The following ZNF704 variants were observed in gnomAD, a reference collection of about 807,000 sequenced individuals.
ZNF704 encodes the protein zinc finger protein 704.
Under a neutral mutation model 44.7 loss-of-function variants are expected in ZNF704, and 10 were observed. That is an observed-to-expected ratio of 0.22 (90% confidence interval 0.14 to 0.38). The LOEUF is 0.38. ZNF704 is among the 10% of genes least tolerant of loss of function. The probability of loss-of-function intolerance (pLI) is 1.00; values close to 1 mark genes in which losing one functional copy is unlikely to be tolerated. For missense variants in ZNF704, 390 were observed against 545.5 expected (o/e 0.71, Z 2.84); for synonymous variants, 211 against 207.6 (o/e 1.02, Z -0.14).
At chr8:80,654,718 C>T (rs532418513) in intron 7 of ZNF704, among the ~76,000 whole-genome samples, 7,023 of 152,088 alleles carry the variant, frequency 0.046, 545 homozygotes, top group African/African-American at 0.16. Context: ...TGTGGAGAAA[C>T]AGGAACACTT....
chr8:80,805,264 C>T (rs760346862), intron 2 of ZNF704, among the ~76,000 whole-genome samples: 3 of 152,152 alleles, frequency 2.0e-5, no homozygotes, highest in Non-Finnish European at 4.4e-5. Context: ...GCTTGTGATG[C>T]TGTAGCTCTG....
chr8:80,641,921 C>T (rs1298283301), intron 8 of ZNF704, among the ~76,000 whole-genome samples: 1 of 152,196 alleles, frequency 6.6e-6, no homozygotes, highest in African/African-American at 2.4e-5. Flanking sequence ...AATTTGCTAC[C>T]ATATCCCTTA....
chr8:80,720,831 C>G (rs1474046641), intron 2 of ZNF704, among the ~76,000 whole-genome samples: 2 of 152,238 alleles, frequency 1.3e-5, no homozygotes, highest in African/African-American at 2.4e-5. Context: ...ATTGGTTAGT[C>G]TCACCAATCT....
chr8:80,733,548 A>G (rs1458340104), intron 2 of ZNF704, among the ~76,000 whole-genome samples: 2 of 152,236 alleles, frequency 1.3e-5, no homozygotes, highest in African/African-American at 4.8e-5. Flanking sequence ...CTTCACTCTT[A>G]TTCCTGGCAG....
At chr8:80,714,416 G>A (rs1819040134) in intron 2 of ZNF704, among the ~76,000 whole-genome samples, 1 of 152,156 alleles carries the variant, frequency 6.6e-6, no homozygotes, top group South Asian at 2.1e-4. Context: ...GTTCATTTGA[G>A]TATCAAACCT....
chr8:80,852,625 T>C (rs1420302600), intron 1 of ZNF704, among the ~76,000 whole-genome samples: 1 of 152,232 alleles, frequency 6.6e-6, no homozygotes, highest in Non-Finnish European at 1.5e-5. Flanking sequence ...ACTTGTACAG[T>C]GTTTTAATAA....
chr8:80,836,767 C>T (rs774680464), intron 1 of ZNF704, among the ~76,000 whole-genome samples: 6 of 152,018 alleles, frequency 3.9e-5, no homozygotes, highest in African/African-American at 9.7e-5. Flanking sequence ...CCAGCCTGGG[C>T]GACAGAGTGA....
At chr8:80,727,427 GTTT>G (rs1441193095) in intron 2 of ZNF704, among the ~76,000 whole-genome samples, 1 of 150,408 alleles carries the variant, frequency 6.6e-6, no homozygotes, top group Non-Finnish European at 1.5e-5. Flanking sequence ...ACTGGTTTTT[GTTT>G]TTGTTTTTTT....
intron 2 of ZNF704, among the ~76,000 whole-genome samples, chr8:80,796,401 A>G (rs1807801383): frequency 6.6e-6 from 1 of 152,246 alleles, no homozygotes. Context: ...CAGAGCCCTC[A>G]TGACACTATC....
chr8:80,791,703 A>C (rs1421360249), intron 2 of ZNF704, among the ~76,000 whole-genome samples: 1 of 150,854 alleles, frequency 6.6e-6, no homozygotes, highest in Non-Finnish European at 1.5e-5. Context: ...GTCTACAGTT[A>C]TCTGGGCTGA....
chr8:80,687,100 C>T lies in ZNF704; in HGVS notation c.558+126G>A, dbSNP rs371550184. On this transcript the variant is annotated intron_variant, in intron 4 of 8. Transcript: ENST00000327835. ...AAACTTCAAGAACATTAAAGAGGAA[C>T]GTAAGCTGCTTCTTTCCACAGAAAG... The T allele has an allele frequency of 3.2e-4, 235 of 742,522 alleles. 1 individual carries two copies. The African/African-American group carries it at 3.3e-3, about 11-fold the overall frequency. 46.0% of individuals were successfully genotyped at this position (742,522 alleles called of 1,614,324 possible). A position where few individuals can be genotyped will look rare whatever the true frequency, so the allele number is the denominator to read the frequency against.
At chr8:80,693,220 C>G (rs772747277) in intron 2 of ZNF704, 113 bp from the exon 3 acceptor site, 1 of 842,942 alleles carries the variant, frequency 1.2e-6, no homozygotes, top group African/African-American at 1.7e-5. Context: ...CATGAACAAC[C>G]GATGTTCTGT....
chr8:80,809,924 T>G lies in ZNF704; in HGVS notation c.221+11450A>C, dbSNP rs184922562. On this transcript the variant is annotated intron_variant, in intron 2 of 8. Transcript: ENST00000327835. ...TTGGCATCACCAACCATTTTTTCCA[T>G]GCAGCTGCCCAAGCCAGCATTTGTG... Among the ~76,000 whole-genome samples the G allele has an allele frequency of 6.2e-3, 942 of 152,236 alleles. 10 individuals are homozygous for G. Among genetic ancestry groups the G allele is most frequent in the African/African-American group, 0.021 (880 of 41,540 alleles).
intron 1 of ZNF704, among the ~76,000 whole-genome samples, chr8:80,823,584 G>A (rs910227172): frequency 2.6e-5 from 4 of 152,348 alleles, no homozygotes; most frequent in African/African-American, 7.2e-5. Context: ...GGTGCTCCCA[G>A]CACGGAGTGT....
rs963416066 is a variant in ZNF704 at position 80,632,293 on chromosome 8, G to A, written c.*9073C>T. 2 of 152,156 alleles carry A rather than the reference G, an allele frequency of 1.3e-5. No individual in the cohort carries two copies. The highest frequency in any genetic ancestry group is 2.4e-5 in the African/African-American group (1 of 41,434). The allele number at this position is 152,156 out of a possible 1,614,324, so 9.4% of individuals were successfully genotyped here. A position where few individuals can be genotyped will look rare whatever the true frequency, so the allele number is the denominator to read the frequency against. On this transcript the variant is annotated 3_prime_UTR_variant, in exon 9 of 9. Coordinates refer to ENST00000327835, the MANE Select transcript of ZNF704 (RefSeq NM_001033723.3). ...TCCTGCCTCAGCCTCTCAAGTAGCT[G>A]GAATTACAGGTGTGCGCCACCACGC...
chr8:80,785,121 C>T (rs1014477908), intron 2 of ZNF704, among the ~76,000 whole-genome samples: 2 of 152,112 alleles, frequency 1.3e-5, no homozygotes, highest in African/African-American at 4.8e-5. Context: ...CTTTATGCCC[C>T]CTCAGGCTCT....
intron 2 of ZNF704, among the ~76,000 whole-genome samples, chr8:80,755,409 C>T (rs1381704918): frequency 2.6e-5 from 4 of 152,054 alleles, no homozygotes; most frequent in Non-Finnish European, 2.9e-5. Flanking sequence ...GAGCCGAGAT[C>T]GTGCCACTGC....
chr8:80,758,620 C>T (rs1807077241), intron 2 of ZNF704, among the ~76,000 whole-genome samples: 1 of 152,124 alleles, frequency 6.6e-6, no homozygotes, highest in South Asian at 2.1e-4. Flanking sequence ...ACTTATTAGG[C>T]TCTTACTAGA....
At chr8:80,733,631 T>A (rs1806618631) in intron 2 of ZNF704, among the ~76,000 whole-genome samples, 1 of 152,216 alleles carries the variant, frequency 6.6e-6, no homozygotes. Context: ...GGTTTCTGGA[T>A]TTCAAATTTT....
Sources: allele counts gnomAD v4.1 joint callset (sites outside exome capture counted in the v4.1 genomes callset), GRCh38; gene constraint gnomAD v4.1.1; transcripts MANE v1.5; gene names NCBI Gene and HGNC (gene_info 2026-07-23, HGNC 2026-07-21).